Variants in SLC36A1 observed in about 807,000 individuals in gnomAD.
The protein encoded by SLC36A1 is proton-coupled amino acid transporter 1.
SLC36A1 carries 30 observed loss-of-function variants against 47.5 expected under a neutral mutation model. That is an observed-to-expected ratio of 0.63 (90% CI 0.47 to 0.86). The LOEUF (loss-of-function observed/expected upper bound fraction) is 0.86. Among genes scored for constraint, SLC36A1 ranks in the 40% least tolerant of loss-of-function variants. The probability of loss-of-function intolerance (pLI) is 0.00; values close to 1 mark genes in which losing one functional copy is unlikely to be tolerated. For missense variants in SLC36A1, 517 were observed against 606.0 expected (o/e 0.85, Z 1.54); for synonymous variants, 255 against 249.7 (o/e 1.02, Z -0.20).
intron 7 of SLC36A1, among the ~76,000 whole-genome samples, chr5:151,468,273 A>ATATATATATATATATATATATTT (rs758825188): frequency 6.1e-4 from 57 of 93,310 alleles, no homozygotes; most frequent in African/African-American, 2.6e-3. Flanking sequence ...AAAAATATAT[A>ATATATATATATATATATATATTT]TATATATATA....
At chr5:151,413,163 A>T in the SLC36A1 span, among the ~76,000 whole-genome samples, 1 of 152,006 alleles carries the variant, frequency 6.6e-6, no homozygotes, top group Non-Finnish European at 1.5e-5. Context: ...TTGTTCAATG[A>T]ATTAATTCAT....
intron 8 of SLC36A1, among the ~76,000 whole-genome samples, chr5:151,476,217 G>A (rs1758031344): frequency 6.6e-6 from 1 of 152,246 alleles, no homozygotes; most frequent in Non-Finnish European, 1.5e-5. Context: ...GTGATCTCAG[G>A]TTAGATGCCA....
At chr5:151,379,285 A>C in the SLC36A1 span, among the ~76,000 whole-genome samples, 1 of 152,230 alleles carries the variant, frequency 6.6e-6, no homozygotes, top group Admixed American at 6.5e-5. Context: ...TGAGCCAAGT[A>C]GGCGATGTTT....
chr5:151,380,554 A>C, the SLC36A1 span: 1 of 539,034 alleles, frequency 1.9e-6, no homozygotes, highest in South Asian at 1.4e-5. Context: ...AGACAAGTTA[A>C]TAAAGAAACT....
chr5:151,523,129 T>C, the SLC36A1 span, among the ~76,000 whole-genome samples: 2 of 152,106 alleles, frequency 1.3e-5, no homozygotes, highest in Non-Finnish European at 2.9e-5. Flanking sequence ...TCCAACACTT[T>C]TAATGTACAA....
At chr5:151,505,698 C>G in the SLC36A1 span, 1 of 1,613,950 alleles carries the variant, frequency 6.2e-7, no homozygotes, top group African/African-American at 1.3e-5. Flanking sequence ...ATAAGAGGGC[C>G]CAGCTCGGCT....
the SLC36A1 span, chr5:151,544,486 A>T: frequency 6.2e-6 from 10 of 1,614,144 alleles, no homozygotes; most frequent in Non-Finnish European, 8.5e-6. Flanking sequence ...GGTGAACAGC[A>T]TCAAGGGTTC....
At chr5:151,551,451 A>C in the SLC36A1 span, 26 of 1,613,166 alleles carry the variant, frequency 1.6e-5, no homozygotes, top group Non-Finnish European at 2.0e-5. Context: ...AGGGGTCCCC[A>C]GCCGAGGCCT....
chr5:151,482,966 G>A (rs1028707509), intron 10 of SLC36A1, among the ~76,000 whole-genome samples: 1 of 152,166 alleles, frequency 6.6e-6, no homozygotes, highest in Non-Finnish European at 1.5e-5. Context: ...GAACCCAGGA[G>A]GCAGAGCTTG....
the SLC36A1 span, among the ~76,000 whole-genome samples, chr5:151,520,156 T>C: frequency 1.3e-5 from 2 of 152,170 alleles, no homozygotes; most frequent in African/African-American, 4.8e-5. Context: ...AGAAATGATA[T>C]CCCGAATGCC....
At chr5:151,395,535 G>GC in the SLC36A1 span, among the ~76,000 whole-genome samples, 2 of 152,200 alleles carry the variant, frequency 1.3e-5, no homozygotes, top group African/African-American at 4.8e-5. Context: ...TTGCTATTCA[G>GC]CCATCTTGGA....
At chr5:151,412,483 T>TAC in the SLC36A1 span, 1 of 143,992 alleles carries the variant, frequency 6.9e-6, no homozygotes, top group Non-Finnish European at 1.5e-5. Flanking sequence ...TACACACACA[T>TAC]ACACACGCAC....
At position 151,463,631 on chromosome 5, in the gene SLC36A1, T is replaced by C. The variant is rs758468876; in HGVS notation, c.222T>C (p.Asn74=). The C allele has an allele frequency of 7.4e-6, 12 of 1,613,986 alleles. No individual in the cohort carries two copies. Among genetic ancestry groups the C allele is most frequent in the Non-Finnish European group, 9.3e-6 (11 of 1,179,974 alleles). Residue 74 remains asparagine (N), a synonymous_variant, in exon 3 of 11, where the codon AAT becomes AAC. Transcript: ENST00000243389. The part of the protein sequence containing the change: ...GLLGLPLAVK[N]AGIVMGPISL... ...TGGGACTCCCTCTGGCGGTGAAAAA[T>C]GCAGGCATCGTGGTAAGGGTCTGCA...
At chr5:151,410,501 C>T in the SLC36A1 span, among the ~76,000 whole-genome samples, 2 of 143,652 alleles carry the variant, frequency 1.4e-5, no homozygotes, top group African/African-American at 5.1e-5. Context: ...AATGTCTGTC[C>T]TTAAGGACTT....
chr5:151,464,612 C>T lies in SLC36A1; in HGVS notation c.323+10C>T. 6.2e-7 allele frequency: 1 copy of T among 1,612,440 alleles called. No individual in the cohort carries two copies. Among genetic ancestry groups the T allele is most frequent in the Non-Finnish European group, 8.5e-7 (1 of 1,178,584 alleles). On this transcript the variant is annotated intron_variant, in intron 4 of 10. Coordinates refer to ENST00000243389, the MANE Select transcript of SLC36A1 (RefSeq NM_078483.4). Reference sequence around the variant, plus strand: ...ACCACTTCTGCCGCAGGTGAGAGCCCTCTGAGCCACCTCTCAAGTGACAGA... The same window carrying T: ...ACCACTTCTGCCGCAGGTGAGAGCCTTCTGAGCCACCTCTCAAGTGACAGA...
the SLC36A1 span, among the ~76,000 whole-genome samples, chr5:151,401,512 T>A: frequency 1.5e-4 from 23 of 152,354 alleles, no homozygotes; most frequent in East Asian, 4.4e-3. Context: ...ACTTGGGCTC[T>A]TTTTTGGTTC....
chr5:151,348,263 G>C, the SLC36A1 span, among the ~76,000 whole-genome samples: 1 of 152,166 alleles, frequency 6.6e-6, no homozygotes, highest in African/African-American at 2.4e-5. Context: ...CCAGGAGGTG[G>C]TGAGATTTGT....
the SLC36A1 span, among the ~76,000 whole-genome samples, chr5:151,370,409 C>CT: frequency 3.2e-3 from 476 of 147,212 alleles, 5 homozygotes; most frequent in East Asian, 0.049. Context: ...CTGTTTCTTC[C>CT]TTTTTTTTTT....
the SLC36A1 span, chr5:151,529,119 G>A: frequency 4.2e-6 from 6 of 1,441,594 alleles, no homozygotes; most frequent in African/African-American, 8.4e-5. Context: ...GTGTGGGGGT[G>A]AGATAAGAAC....
Sources: gnomAD v4.1 joint callset for allele counts (sites outside exome capture counted in the v4.1 genomes callset) on GRCh38, gnomAD v4.1.1 for gene constraint, MANE v1.5 for transcripts, NCBI Gene and HGNC (gene_info 2026-07-23, HGNC 2026-07-21) for gene names.